Variants in NXPH1 observed in about 807,000 individuals in gnomAD.
NXPH1 encodes the protein neurexophilin 1.
A neutral mutation model predicts 23.7 loss-of-function variants in NXPH1; 5 were observed. That is an observed-to-expected ratio of 0.21 (90% CI 0.11 to 0.44). The LOEUF (loss-of-function observed/expected upper bound fraction) is 0.44. Ranked by LOEUF, NXPH1 falls within the 20% of genes least tolerant of loss-of-function variation. The pLI, the probability that NXPH1 is intolerant of heterozygous loss-of-function variation, is 0.99. For missense variants in NXPH1, 324 were observed against 321.6 expected (o/e 1.01, Z -0.06); for synonymous variants, 144 against 122.2 (o/e 1.18, Z -1.18).
intron 2 of NXPH1, among the ~76,000 whole-genome samples, chr7:8,621,936 T>C (rs1186406931): frequency 2.0e-5 from 3 of 152,206 alleles, no homozygotes; most frequent in Non-Finnish European, 4.4e-5. Flanking sequence ...GTGCAGTTGC[T>C]CTGGCCATGA....
chr7:8,551,066 CTGAAA>C (rs1196364910), intron 2 of NXPH1, among the ~76,000 whole-genome samples: 1 of 151,426 alleles, frequency 6.6e-6, no homozygotes. Context: ...AATTGTCTTA[CTGAAA>C]TATCTTAGTT....
At chr7:8,517,853 T>G (rs1285988899) in intron 2 of NXPH1, among the ~76,000 whole-genome samples, 2 of 152,176 alleles carry the variant, frequency 1.3e-5, no homozygotes, top group African/African-American at 4.8e-5. Flanking sequence ...CCCTGACATC[T>G]CTGAAGAACC....
At chr7:8,541,216 G>A (rs1042723662) in intron 2 of NXPH1, among the ~76,000 whole-genome samples, 1 of 151,510 alleles carries the variant, frequency 6.6e-6, no homozygotes, top group African/African-American at 2.4e-5. Context: ...AGATATGGAA[G>A]ATACAAAAAA....
intron 2 of NXPH1, among the ~76,000 whole-genome samples, chr7:8,694,726 A>G (rs1315976088): frequency 6.6e-6 from 1 of 152,222 alleles, no homozygotes; most frequent in Non-Finnish European, 1.5e-5. Flanking sequence ...TTTCTATGCC[A>G]ACCTCTTTCC....
intron 2 of NXPH1, among the ~76,000 whole-genome samples, chr7:8,443,916 C>T (rs1049824816): frequency 6.6e-6 from 1 of 152,174 alleles, no homozygotes; most frequent in African/African-American, 2.4e-5. Flanking sequence ...CGTTGCCCTA[C>T]CTCCCTCGCC....
chr7:8,474,587 C>T (rs1046626801), intron 2 of NXPH1, among the ~76,000 whole-genome samples: 1 of 152,124 alleles, frequency 6.6e-6, no homozygotes, highest in East Asian at 1.9e-4. Context: ...GGTTGATGCT[C>T]TGCAAACTAC....
At chr7:8,713,697 T>G (rs1260275038) in intron 2 of NXPH1, among the ~76,000 whole-genome samples, 1 of 151,600 alleles carries the variant, frequency 6.6e-6, no homozygotes, top group African/African-American at 2.4e-5. Context: ...GCAATAACAC[T>G]GTAGTTCTTG....
intron 2 of NXPH1, among the ~76,000 whole-genome samples, chr7:8,635,606 A>C (rs542548743): frequency 1.3e-5 from 2 of 152,212 alleles, no homozygotes; most frequent in Non-Finnish European, 2.9e-5. Context: ...CCATCACTCA[A>C]TTACCTGCCA....
At chr7:8,635,863 A>G (rs1267114378) in intron 2 of NXPH1, among the ~76,000 whole-genome samples, 2 of 152,146 alleles carry the variant, frequency 1.3e-5, no homozygotes, top group Admixed American at 6.6e-5. Flanking sequence ...CATTTGTTTC[A>G]GCTAACTGGT....
chr7:8,707,832 TTC>T (rs1178434900), intron 2 of NXPH1, among the ~76,000 whole-genome samples: 1 of 152,158 alleles, frequency 6.6e-6, no homozygotes, highest in Non-Finnish European at 1.5e-5. Context: ...AATTACTCAC[TTC>T]AAAAAAAGAA....
At chr7:8,589,754 A>C (rs1285685469) in intron 2 of NXPH1, among the ~76,000 whole-genome samples, 3 of 152,106 alleles carry the variant, frequency 2.0e-5, no homozygotes, top group Non-Finnish European at 4.4e-5. Flanking sequence ...GAAAGGACAA[A>C]CAGACCAGAG....
At chr7:8,735,096 A>C (rs1250377883) in intron 2 of NXPH1, among the ~76,000 whole-genome samples, 1 of 152,196 alleles carries the variant, frequency 6.6e-6, no homozygotes, top group Non-Finnish European at 1.5e-5. Context: ...AACAGGGACA[A>C]TTTGACTTCC....
chr7:8,439,719 T>C (rs1816259492), intron 2 of NXPH1, among the ~76,000 whole-genome samples: 1 of 152,212 alleles, frequency 6.6e-6, no homozygotes, highest in African/African-American at 2.4e-5. Context: ...TAATAGAGTT[T>C]GGAGAGTAAT....
intron 2 of NXPH1, among the ~76,000 whole-genome samples, chr7:8,699,362 A>G (rs971425279): frequency 2.0e-5 from 3 of 152,068 alleles, no homozygotes; most frequent in African/African-American, 7.2e-5. Context: ...AAAGATCTTC[A>G]GTTTTTATCT....
chr7:8,564,373 C>T (rs1818503994), intron 2 of NXPH1, among the ~76,000 whole-genome samples: 1 of 151,762 alleles, frequency 6.6e-6, no homozygotes, highest in Non-Finnish European at 1.5e-5. Flanking sequence ...TTGAGAATGA[C>T]TGTACAGGGG....
intron 2 of NXPH1, among the ~76,000 whole-genome samples, chr7:8,518,229 A>T (rs1817718144): frequency 6.6e-6 from 1 of 152,112 alleles, no homozygotes; most frequent in Admixed American, 6.6e-5. Flanking sequence ...ATTAAGAACG[A>T]TTTGTTTACT....
chr7:8,532,468 T>TGGGGGG (rs761410034), intron 2 of NXPH1, among the ~76,000 whole-genome samples: 3 of 20,732 alleles, frequency 1.4e-4, no homozygotes, highest in African/African-American at 2.3e-4. Flanking sequence ...ATATTTTTTT[T>TGGGGGG]GGGGGGGGGG....
At chr7:8,748,093 T>TA (rs1316029504) in intron 2 of NXPH1, among the ~76,000 whole-genome samples, 3 of 152,342 alleles carry the variant, frequency 2.0e-5, no homozygotes, top group African/African-American at 7.2e-5. Flanking sequence ...TTCCTATGCA[T>TA]AATCCTCCTC....
At chr7:8,732,231 G>T (rs896011008) in intron 2 of NXPH1, among the ~76,000 whole-genome samples, 2 of 152,134 alleles carry the variant, frequency 1.3e-5, no homozygotes, top group Admixed American at 6.5e-5. Context: ...ACTGACTTGC[G>T]CCCAGTGTCT....
Sources: gnomAD v4.1 joint callset for allele counts (sites outside exome capture counted in the v4.1 genomes callset) on GRCh38, gnomAD v4.1.1 for gene constraint, MANE v1.5 for transcripts, NCBI Gene and HGNC (gene_info 2026-07-23, HGNC 2026-07-21) for gene names.